The following C1orf87 variants were observed in gnomAD, a reference collection of about 807,000 sequenced individuals.
The protein encoded by C1orf87 is chromosome 1 open reading frame 87.
In C1orf87, 58 loss-of-function variants were observed where a neutral mutation model predicts 60.5. The observed-to-expected ratio is 0.96, with a 90% CI of 0.78 to 1.19. The LOEUF (loss-of-function observed/expected upper bound fraction) is 1.19. Ranked by LOEUF, C1orf87 falls within the 50% of genes most tolerant of loss-of-function variation. C1orf87 has a pLI of 0.00. For missense variants in C1orf87, 673 were observed against 638.6 expected, an observed-to-expected ratio of 1.05 and a Z score of -0.58; for synonymous variants, 236 against 227.4, an observed-to-expected ratio of 1.04 and a Z score of -0.34.
At chr1:60,009,988 C>A (rs996463381) in intron 9 of C1orf87, among the ~76,000 whole-genome samples, 1 of 150,236 alleles carries the variant, frequency 6.7e-6, no homozygotes. Context: ...AACCTATACA[C>A]TAAACATATA....
At chr1:60,048,473 T>G (rs1454373809) in intron 3 of C1orf87, among the ~76,000 whole-genome samples, 1 of 152,240 alleles carries the variant, frequency 6.6e-6, no homozygotes, top group African/African-American at 2.4e-5. Flanking sequence ...GTTTATTGAT[T>G]TGAGTGACTA....
intron 10 of C1orf87, among the ~76,000 whole-genome samples, chr1:59,999,522 T>G (rs1644986731): frequency 6.6e-6 from 1 of 152,104 alleles, no homozygotes; most frequent in Admixed American, 6.6e-5. Flanking sequence ...TTAAGTAGTT[T>G]TATATTTCTT....
chr1:60,046,443 C>CT (rs36104052), intron 3 of C1orf87, among the ~76,000 whole-genome samples: 376 of 106,996 alleles, frequency 3.5e-3, no homozygotes, highest in Non-Finnish European at 6.0e-3. Flanking sequence ...CCTTCTTCTT[C>CT]TTTTTTTTTT....
At chr1:59,997,079 G>A (rs1398484149) in intron 11 of C1orf87, among the ~76,000 whole-genome samples, 2 of 152,126 alleles carry the variant, frequency 1.3e-5, no homozygotes, top group East Asian at 3.9e-4. Flanking sequence ...GGACAAGATG[G>A]GGAGTTCGTG....
intron 8 of C1orf87, among the ~76,000 whole-genome samples, chr1:60,015,483 G>C (rs1016963302): frequency 2.0e-5 from 3 of 152,162 alleles, no homozygotes; most frequent in African/African-American, 7.2e-5. Flanking sequence ...AGATCACATG[G>C]CTTAAACAAC....
chr1:60,045,750 C>T (rs577669769), intron 3 of C1orf87, among the ~76,000 whole-genome samples: 1 of 152,152 alleles, frequency 6.6e-6, no homozygotes, highest in African/African-American at 2.4e-5. Flanking sequence ...ATTATTGAGA[C>T]CCACGCCAGA....
chr1:60,059,815 A>T (rs1574327342), intron 2 of C1orf87, among the ~76,000 whole-genome samples: 1 of 152,146 alleles, frequency 6.6e-6, no homozygotes, highest in Non-Finnish European at 1.5e-5. Context: ...CAGGCCCTAA[A>T]CCCTCTGGAG....
At chr1:60,041,982 G>T (rs1645328493) in intron 3 of C1orf87, among the ~76,000 whole-genome samples, 2 of 152,102 alleles carry the variant, frequency 1.3e-5, no homozygotes, top group African/African-American at 4.8e-5. Context: ...TGTTTGTTCT[G>T]CCCTGCCTTG....
Position 60,066,370 on chromosome 1 carries a change from G to T in C1orf87, c.107+6167C>A, listed in dbSNP as rs573064553. On this transcript the variant is annotated intron_variant, in intron 2 of 11. Coordinates refer to ENST00000371201, the MANE Select transcript of C1orf87 (RefSeq NM_152377.3). ...GTTTATATGATATTCTAAATCCTTT[G>T]TTGTCAATTCAACAATGTTCACAGC... Among the ~76,000 whole-genome samples the T allele has an allele frequency of 2.0e-5, 3 of 152,228 alleles. No individual in the cohort carries two copies. The South Asian group carries it at 6.2e-4, about 32-fold the overall frequency.
At chr1:60,055,533 CA>C in intron 2 of C1orf87, 95 bp from the exon 3 acceptor site, 2 of 1,052,848 alleles carry the variant, frequency 1.9e-6, no homozygotes, top group Non-Finnish European at 2.9e-6. Flanking sequence ...GTGTTGTGAA[CA>C]GTAGAAACTC....
At chr1:60,013,006 A>G (rs1557460877) in intron 8 of C1orf87, among the ~76,000 whole-genome samples, 1 of 151,874 alleles carries the variant, frequency 6.6e-6, no homozygotes, top group Non-Finnish European at 1.5e-5. Context: ...TTTGTAATTA[A>G]TTTTCTCTTT....
At chr1:59,993,905 C>G (rs972735639) in intron 11 of C1orf87, among the ~76,000 whole-genome samples, 1 of 151,892 alleles carries the variant, frequency 6.6e-6, no homozygotes, top group Non-Finnish European at 1.5e-5. Context: ...ACTACAGGTG[C>G]CTGCCACCAC....
At chr1:60,065,810 A>G (rs1645542219) in intron 2 of C1orf87, among the ~76,000 whole-genome samples, 1 of 152,176 alleles carries the variant, frequency 6.6e-6, no homozygotes, top group African/African-American at 2.4e-5. Context: ...ATGGGAAAAT[A>G]CCAGAACTTT....
chr1:59,996,071 T>C (rs1329238216), intron 11 of C1orf87, among the ~76,000 whole-genome samples: 1 of 152,172 alleles, frequency 6.6e-6, no homozygotes, highest in Non-Finnish European at 1.5e-5. Flanking sequence ...GGTTTTTTTT[T>C]CTCTTTGGTA....
At chr1:60,068,273 T>A (rs1378976432) in intron 2 of C1orf87, among the ~76,000 whole-genome samples, 3 of 152,198 alleles carry the variant, frequency 2.0e-5, no homozygotes, top group Non-Finnish European at 4.4e-5. Flanking sequence ...ATATAACCAT[T>A]TCCATGTACA....
At chr1:59,992,669 G>C (rs1644932662) in intron 11 of C1orf87, among the ~76,000 whole-genome samples, 1 of 152,180 alleles carries the variant, frequency 6.6e-6, no homozygotes, top group Non-Finnish European at 1.5e-5. Flanking sequence ...GTCCATTAGA[G>C]TTGGGCAATG....
chr1:60,069,799 T>A (rs1411565543), intron 2 of C1orf87, among the ~76,000 whole-genome samples: 5 of 152,180 alleles, frequency 3.3e-5, no homozygotes, highest in African/African-American at 1.2e-4. Flanking sequence ...GGTGATATTC[T>A]AACCCCCATA....
At chr1:60,018,434 G>T (rs1645138440) in intron 8 of C1orf87, among the ~76,000 whole-genome samples, 1 of 152,108 alleles carries the variant, frequency 6.6e-6, no homozygotes, top group African/African-American at 2.4e-5. Context: ...GTGTTGATAG[G>T]ATAGTAAGTA....
chr1:60,068,986 G>GC (rs1352219809), intron 2 of C1orf87, among the ~76,000 whole-genome samples: 1 of 151,930 alleles, frequency 6.6e-6, no homozygotes, highest in African/African-American at 2.4e-5. Context: ...ATTTTTCTTG[G>GC]CAGCCATGTC....
Sources: gnomAD v4.1 joint callset for allele counts (sites outside exome capture counted in the v4.1 genomes callset) on GRCh38, gnomAD v4.1.1 for gene constraint, MANE v1.5 for transcripts, NCBI Gene and HGNC (gene_info 2026-07-23, HGNC 2026-07-21) for gene names.